The following THSD7B variants were observed in gnomAD, a reference collection of about 807,000 sequenced individuals.
THSD7B encodes thrombospondin type-1 domain-containing protein 7B.
THSD7B carries 138 observed loss-of-function variants against 213.6 expected under a neutral mutation model. That is an observed-to-expected ratio of 0.65 (90% CI 0.56 to 0.74). The LOEUF is 0.74. Among genes scored for constraint, THSD7B ranks in the 30% least tolerant of loss-of-function variants. THSD7B has a pLI of 0.00. For synonymous variants in THSD7B, 742 were observed against 687.0 expected, an observed-to-expected ratio of 1.08 and a Z score of -1.25; for missense variants, 1,931 against 1,991.5, an observed-to-expected ratio of 0.97 and a Z score of 0.58.
At chr2:136,921,952 A>G (rs1684445150) in intron 2 of THSD7B, among the ~76,000 whole-genome samples, 1 of 152,208 alleles carries the variant, frequency 6.6e-6, no homozygotes. Flanking sequence ...GGATTCCTTC[A>G]GTGCTTTTAG....
intron 10 of THSD7B, among the ~76,000 whole-genome samples, chr2:137,244,996 T>C (rs574562680): frequency 6.6e-6 from 1 of 152,118 alleles, no homozygotes; most frequent in East Asian, 1.9e-4. Context: ...TCAATAACTA[T>C]GGGGGGGTGG....
chr2:137,056,597 G>T lies in THSD7B; in HGVS notation c.317G>T (p.Trp106Leu). 1 of 1,613,924 alleles carries T rather than the reference G, an allele frequency of 6.2e-7. No individual in the cohort carries two copies. The highest frequency in any genetic ancestry group is 8.5e-7 in the Non-Finnish European group (1 of 1,179,870). The change falls in exon 3 of 28, where the codon TGG (tryptophan) becomes TTG (leucine). Residue 106 changes from tryptophan (W) to leucine (L), a missense_variant. Transcript: ENST00000409968. Reference protein sequence around the residue: ...VCDWHSDLFQWEVSDWHHCVL... With the variant: ...VCDWHSDLFQLEVSDWHHCVL... ...GACTGGCACAGTGACCTCTTTCAGT[G>T]GGAGGTTTCTGACTGGCACCACTGT... is the stretch of plus-strand genomic sequence containing the variant.
intron 2 of THSD7B, among the ~76,000 whole-genome samples, chr2:137,038,424 G>A (rs1012948319): frequency 2.0e-5 from 3 of 152,186 alleles, no homozygotes; most frequent in Non-Finnish European, 2.9e-5. Flanking sequence ...CCACACTGCT[G>A]ATGAGCCCGG....
Position 137,240,292 on chromosome 2 carries a change from C to T in THSD7B, c.2151-2165C>T, listed in dbSNP as rs575691813. Among the ~76,000 whole-genome samples, 14 of 152,296 alleles carry T rather than the reference C, an allele frequency of 9.2e-5. No homozygotes were observed. In the East Asian group the frequency reaches 1.2e-3, roughly 13 times the overall value. On this transcript the variant is annotated intron_variant, in intron 9 of 27. Transcript: ENST00000409968. ...ATTTTATCCCAAAACAAAATTTATT[C>T]GTCTCTGTTTTGCCTATGCATTGTT...
intron 12 of THSD7B, among the ~76,000 whole-genome samples, chr2:137,314,797 T>G (rs964761284): frequency 2.0e-5 from 3 of 152,044 alleles, no homozygotes; most frequent in African/African-American, 4.8e-5. Context: ...CTGCTGGGGG[T>G]TGCCTCCCAG....
intron 16 of THSD7B, among the ~76,000 whole-genome samples, chr2:137,565,888 T>A (rs956698597): frequency 4.6e-5 from 7 of 152,120 alleles, no homozygotes; most frequent in African/African-American, 1.4e-4. Flanking sequence ...AACATACACA[T>A]TTGAGAGATT....
Position 137,002,833 on chromosome 2 carries a change from C to T in THSD7B, c.140-53587C>T, listed in dbSNP as rs190917493. On this transcript the variant is annotated intron_variant, in intron 2 of 27. Transcript: ENST00000409968. Reference sequence around the variant, plus strand: ...TATATTTCCCTGAATCATATTAATTCTCCATTTTATGCACAGATTTTTTCT... The same window carrying T: ...TATATTTCCCTGAATCATATTAATTTTCCATTTTATGCACAGATTTTTTCT... Among the ~76,000 whole-genome samples the T allele has an allele frequency of 1.0e-3, 155 of 152,156 alleles. 2 individuals carry two copies. Among genetic ancestry groups the T allele is most frequent in the African/African-American group, 3.7e-3 (153 of 41,514 alleles).
chr2:137,366,303 A>G (rs189535796), intron 12 of THSD7B, among the ~76,000 whole-genome samples: 139 of 152,242 alleles, frequency 9.1e-4, no homozygotes, highest in African/African-American at 2.8e-3. Context: ...TAATGAGTTA[A>G]TGGCTGCAGC....
At chr2:137,556,082 T>C (rs1437400198) in intron 15 of THSD7B, among the ~76,000 whole-genome samples, 1 of 152,042 alleles carries the variant, frequency 6.6e-6, no homozygotes, top group Non-Finnish European at 1.5e-5. Flanking sequence ...TACGTAAAAG[T>C]GATGGAGAGA....
intron 14 of THSD7B, among the ~76,000 whole-genome samples, chr2:137,444,352 C>T (rs1456487776): frequency 6.6e-6 from 1 of 151,900 alleles, no homozygotes; most frequent in African/African-American, 2.4e-5. Context: ...ATAACAATGG[C>T]AAAGTATTGA....
intron 12 of THSD7B, among the ~76,000 whole-genome samples, chr2:137,325,910 T>C (rs961250401): frequency 6.6e-6 from 1 of 152,188 alleles, no homozygotes; most frequent in African/African-American, 2.4e-5. Flanking sequence ...TTCTCATTCA[T>C]GTGTTGCCAT....
intron 1 of THSD7B, among the ~76,000 whole-genome samples, chr2:136,872,175 A>G (rs1315367867): frequency 6.6e-6 from 1 of 152,154 alleles, no homozygotes; most frequent in East Asian, 1.9e-4. Context: ...TTATTTGCTC[A>G]CAAAACAGGA....
rs144216975 is a variant in THSD7B at position 137,577,949 on chromosome 2, A to G, written c.3423+5393A>G. Among the ~76,000 whole-genome samples the G allele has an allele frequency of 3.9e-3, 596 of 152,350 alleles. 5 individuals are homozygous for G. Among genetic ancestry groups the G allele is most frequent in the African/African-American group, 0.014 (573 of 41,588 alleles). Reference sequence around the variant, plus strand: ...ATTGGAGAGAGAAGAGAATTTTCACATCTAAAAGTGATGGAATATCATTGG... The same window carrying G: ...ATTGGAGAGAGAAGAGAATTTTCACGTCTAAAAGTGATGGAATATCATTGG... On this transcript the variant is annotated intron_variant, in intron 17 of 27. Coordinates refer to ENST00000409968, the MANE Select transcript of THSD7B (RefSeq NM_001316349.2).
chr2:137,398,457 C>T (rs962752301), intron 12 of THSD7B, among the ~76,000 whole-genome samples: 1 of 151,706 alleles, frequency 6.6e-6, no homozygotes, highest in African/African-American at 2.4e-5. Flanking sequence ...CTGGGGGGTG[C>T]CTCCCAGTTA....
chr2:137,405,610 C>G lies in THSD7B; in HGVS notation c.2501-3C>G, dbSNP rs773121394. 2 of 1,579,968 alleles carry G rather than the reference C, an allele frequency of 1.3e-6. No individual in the cohort carries two copies. The highest frequency in any genetic ancestry group is 3.8e-5 in the Admixed American group (2 of 52,784). ...TAACAAAAGAATTCATGCTTTTTTT[C>G]AGCTGTCTCATGCATCTCTGATGAC... On this transcript the variant is annotated splice_region_variant and splice_polypyrimidine_tract_variant and intron_variant, in intron 12 of 27. Transcript: ENST00000409968.
intron 3 of THSD7B, among the ~76,000 whole-genome samples, chr2:137,058,788 T>C (rs1358668341): frequency 6.6e-6 from 1 of 152,092 alleles, no homozygotes; most frequent in Non-Finnish European, 1.5e-5. Flanking sequence ...CATGAGAGCT[T>C]CCTCTCACTC....
At chr2:137,476,659 C>T (rs1257985375) in intron 15 of THSD7B, among the ~76,000 whole-genome samples, 1 of 152,184 alleles carries the variant, frequency 6.6e-6, no homozygotes, top group Admixed American at 6.5e-5. Flanking sequence ...CCACCTCCAT[C>T]TCCTGGGTTC....
At chr2:137,604,529 G>A (rs1364355057) in intron 17 of THSD7B, among the ~76,000 whole-genome samples, 1 of 152,084 alleles carries the variant, frequency 6.6e-6, no homozygotes, top group Non-Finnish European at 1.5e-5. Flanking sequence ...TATCATCTAG[G>A]TTATCCTAGA....
chr2:137,479,022 A>G (rs1337351018), intron 15 of THSD7B, among the ~76,000 whole-genome samples: 1 of 152,150 alleles, frequency 6.6e-6, no homozygotes, highest in African/African-American at 2.4e-5. Context: ...AGACAGGCTT[A>G]TATTTGGGCG....
Sources: gnomAD v4.1 joint callset for allele counts (sites outside exome capture counted in the v4.1 genomes callset) on GRCh38, gnomAD v4.1.1 for gene constraint, MANE v1.5 for transcripts, NCBI Gene and HGNC (gene_info 2026-07-23, HGNC 2026-07-21) for gene names.